The following RBMS3 variants were observed in gnomAD, a reference collection of about 807,000 sequenced individuals.
The protein encoded by RBMS3 is RNA binding motif single stranded interacting protein 3, also known as RNA-binding motif, single-stranded-interacting protein 3.
Under a neutral mutation model 66.8 loss-of-function variants are expected in RBMS3, and 27 were observed. That is an observed-to-expected ratio of 0.40 (90% CI 0.30 to 0.56). RBMS3 has a LOEUF of 0.56. Ranked by LOEUF, RBMS3 falls within the 20% of genes least tolerant of loss-of-function variation. The pLI, the probability that RBMS3 is intolerant of heterozygous loss-of-function variation, is 0.40. For synonymous variants in RBMS3, 188 were observed against 183.0 expected (o/e 1.03, Z -0.22); for missense variants, 513 against 549.5 (o/e 0.93, Z 0.66).
At chr3:29,415,432 G>A (rs762216692) in intron 1 of RBMS3, among the ~76,000 whole-genome samples, 19 of 152,304 alleles carry the variant, frequency 1.2e-4, no homozygotes, top group Non-Finnish European at 2.5e-4. Context: ...TGGTCAGGGA[G>A]ACTGTGAAAC....
chr3:29,858,861 C>G (rs2059143746), intron 6 of RBMS3, among the ~76,000 whole-genome samples: 2 of 152,126 alleles, frequency 1.3e-5, no homozygotes, highest in South Asian at 4.1e-4. Context: ...CTTGAGATCA[C>G]TATTTAGGCC....
chr3:29,414,550 A>T (rs1200299273), intron 1 of RBMS3, among the ~76,000 whole-genome samples: 2 of 152,204 alleles, frequency 1.3e-5, no homozygotes, highest in Non-Finnish European at 2.9e-5. Context: ...TACTTCATTC[A>T]TTAGTTCTGA....
intron 1 of RBMS3, among the ~76,000 whole-genome samples, chr3:29,332,755 T>G (rs1450863401): frequency 6.6e-6 from 1 of 152,232 alleles, no homozygotes; most frequent in East Asian, 1.9e-4. Context: ...TGGCACTATA[T>G]TTCTTGCAAG....
intron 4 of RBMS3, among the ~76,000 whole-genome samples, chr3:29,721,816 T>C (rs2053654876): frequency 6.6e-6 from 1 of 152,196 alleles, no homozygotes; most frequent in Non-Finnish European, 1.5e-5. Flanking sequence ...TTTATGTGGC[T>C]CTTCTTTTAT....
At chr3:29,961,633 G>A (rs1696455593) in intron 12 of RBMS3, among the ~76,000 whole-genome samples, 1 of 152,062 alleles carries the variant, frequency 6.6e-6, no homozygotes, top group Admixed American at 6.6e-5. Context: ...ATGGTGGAAG[G>A]TGAAGGAAAT....
At chr3:29,869,498 A>G (rs903195968) in intron 7 of RBMS3, among the ~76,000 whole-genome samples, 7 of 152,068 alleles carry the variant, frequency 4.6e-5, no homozygotes, top group African/African-American at 1.7e-4. Flanking sequence ...TATATAAAAT[A>G]AGATATTGTC....
At chr3:29,833,850 C>A (rs192205162) in intron 6 of RBMS3, among the ~76,000 whole-genome samples, 4 of 152,126 alleles carry the variant, frequency 2.6e-5, no homozygotes, top group East Asian at 3.9e-4. Flanking sequence ...TCCAAACGGA[C>A]TTCCCCAAAG....
intron 6 of RBMS3, among the ~76,000 whole-genome samples, chr3:29,817,205 T>TTTTTTTTTTGG (rs1450154696): frequency 6.7e-6 from 1 of 149,220 alleles, no homozygotes; most frequent in African/African-American, 2.5e-5. Flanking sequence ...TTTTTTTTTT[T>TTTTTTTTTTGG]GAGGCAAAGT....
At chr3:29,920,738 G>A (rs2060750152) in intron 10 of RBMS3, among the ~76,000 whole-genome samples, 1 of 151,912 alleles carries the variant, frequency 6.6e-6, no homozygotes, top group East Asian at 1.9e-4. Context: ...CACTTTGGAA[G>A]GTGGAGGCAG....
intron 4 of RBMS3, among the ~76,000 whole-genome samples, chr3:29,711,641 T>C (rs2053175547): frequency 6.6e-6 from 1 of 152,156 alleles, no homozygotes; most frequent in African/African-American, 2.4e-5. Flanking sequence ...CAGAATGAGC[T>C]TGTGGCAAAA....
At chr3:29,396,349 A>G (rs2039548715) in intron 1 of RBMS3, among the ~76,000 whole-genome samples, 1 of 152,222 alleles carries the variant, frequency 6.6e-6, no homozygotes, top group Non-Finnish European at 1.5e-5. Flanking sequence ...TAAGGGGGAC[A>G]AAAGTGACAT....
At chr3:29,812,387 C>A (rs138856095) in intron 6 of RBMS3, among the ~76,000 whole-genome samples, 4 of 152,284 alleles carry the variant, frequency 2.6e-5, no homozygotes, top group Middle Eastern at 3.4e-3. Flanking sequence ...TTTAAAGAGA[C>A]CGTCATTGAG....
At position 30,009,368 on chromosome 3, in the gene RBMS3, ATTTC is replaced by A. The variant is rs1699894236; in HGVS notation, c.*5509_*5512del. Reference sequence around the variant, plus strand: ...TTATTTTATTTCTTATAAAGTATTAATTTCTTAAGGGGGTTTGAAATCATTGGTA... The same window carrying A: ...TTATTTTATTTCTTATAAAGTATTAATTAAGGGGGTTTGAAATCATTGGTA... On this transcript the variant is annotated 3_prime_UTR_variant, in exon 15 of 15. Coordinates refer to ENST00000383767, the MANE Select transcript of RBMS3 (RefSeq NM_001003793.3). 1 of 152,116 alleles carries A rather than the reference ATTTC, an allele frequency of 6.6e-6. No homozygotes were observed. The highest frequency in any genetic ancestry group is 6.5e-5 in the Admixed American group (1 of 15,268). 9.4% of individuals were successfully genotyped at this position (152,116 alleles called of 1,614,324 possible).
intron 4 of RBMS3, among the ~76,000 whole-genome samples, chr3:29,590,483 T>A (rs1163506320): frequency 6.6e-6 from 1 of 152,114 alleles, no homozygotes; most frequent in African/African-American, 2.4e-5. Context: ...TTAAAATATA[T>A]AATAAGTAGC....
intron 4 of RBMS3, chr3:29,614,946 A>C (rs1234648595): frequency 1.3e-5 from 2 of 152,242 alleles, no homozygotes; most frequent in Non-Finnish European, 2.9e-5. Flanking sequence ...TTTCCCACTC[A>C]AAGTGTTAGG....
At chr3:29,719,349 C>G (rs2053538627) in intron 4 of RBMS3, among the ~76,000 whole-genome samples, 1 of 152,146 alleles carries the variant, frequency 6.6e-6, no homozygotes, top group Admixed American at 6.6e-5. Context: ...CAAGTCTTTT[C>G]TTACCTTGGT....
intron 3 of RBMS3, among the ~76,000 whole-genome samples, chr3:29,523,600 A>G (rs2044953981): frequency 6.6e-6 from 1 of 152,218 alleles, no homozygotes. Context: ...TGATAGGAAC[A>G]GAACCAGTTA....
intron 12 of RBMS3, among the ~76,000 whole-genome samples, chr3:29,985,999 A>G (rs1698365265): frequency 6.6e-6 from 1 of 152,214 alleles, no homozygotes; most frequent in Admixed American, 6.5e-5. Flanking sequence ...GGACCAGAGT[A>G]GTATTCTACA....
At chr3:29,540,402 C>T (rs1268066467) in intron 3 of RBMS3, among the ~76,000 whole-genome samples, 1 of 152,184 alleles carries the variant, frequency 6.6e-6, no homozygotes, top group Non-Finnish European at 1.5e-5. Flanking sequence ...TGACTCTACT[C>T]TATAAGGCTC....
Sources: gnomAD v4.1 joint callset for allele counts (sites outside exome capture counted in the v4.1 genomes callset) on GRCh38, gnomAD v4.1.1 for gene constraint, MANE v1.5 for transcripts, NCBI Gene and HGNC (gene_info 2026-07-23, HGNC 2026-07-21) for gene names.